The following KDM2B variants were observed in gnomAD, a reference collection of about 807,000 sequenced individuals.
KDM2B encodes the protein lysine demethylase 2B.
Under a neutral mutation model 150.0 loss-of-function variants are expected in KDM2B, and 26 were observed. That is an observed-to-expected ratio of 0.17 (90% confidence interval 0.13 to 0.24). The LOEUF (loss-of-function observed/expected upper bound fraction) is 0.24, where lower values mean the gene tolerates loss of function less well. Ranked by LOEUF, KDM2B falls within the 10% of genes least tolerant of loss-of-function variation. KDM2B has a pLI of 1.00. For synonymous variants in KDM2B, 734 were observed against 729.5 expected (o/e 1.01, Z -0.10); for missense variants, 1,265 against 1,816.9 (o/e 0.70, Z 5.52).
rs572676243 is a variant in KDM2B, at chr12:121,516,035, C to T, written c.1048-2633G>A. The stretch of plus-strand genomic sequence containing the variant: ...CTAGGCATGAAGCAAACCTTGATTT[C>T]CTATGAAGAAGGGTTTAGGGGACCT... On this transcript the variant is annotated intron_variant, in intron 9 of 22. Transcript: ENST00000377071. Among the ~76,000 whole-genome samples the T allele has an allele frequency of 3.3e-5, 5 of 152,196 alleles. No homozygotes were observed. In the East Asian group the frequency reaches 9.7e-4, roughly 29 times the overall value.
chr12:121,451,113 C>T (rs544219359), intron 13 of KDM2B, among the ~76,000 whole-genome samples: 40 of 152,102 alleles, frequency 2.6e-4, no homozygotes, highest in Non-Finnish European at 4.1e-4. Flanking sequence ...TCCTGCCCCC[C>T]CCTTCTACCT....
At chr12:121,410,887 G>GC in the KDM2B span, among the ~76,000 whole-genome samples, 1 of 152,114 alleles carries the variant, frequency 6.6e-6, no homozygotes, top group African/African-American at 2.4e-5. Context: ...TGAATATTGG[G>GC]TTATAGCAAC....
intron 22 of KDM2B, among the ~76,000 whole-genome samples, chr12:121,431,238 T>C (rs1872947015): frequency 6.6e-6 from 1 of 150,968 alleles, no homozygotes. Flanking sequence ...TTTAAGTGAT[T>C]CTCCTGCCTC....
chr12:121,496,022 T>TA (rs1365982870), intron 11 of KDM2B, among the ~76,000 whole-genome samples: 5 of 152,088 alleles, frequency 3.3e-5, no homozygotes, highest in African/African-American at 1.2e-4. Context: ...GGCTGGACTT[T>TA]AGAACATCAT....
At chr12:121,472,449 T>C (rs980540007) in intron 12 of KDM2B, among the ~76,000 whole-genome samples, 22 of 152,216 alleles carry the variant, frequency 1.4e-4, no homozygotes, top group Non-Finnish European at 3.1e-4. Flanking sequence ...CTAATGTTAC[T>C]TAATTGCTTT....
downstream of KDM2B, among the ~76,000 whole-genome samples, chr12:121,426,231 G>C (rs1396635091): frequency 6.6e-6 from 1 of 152,178 alleles, no homozygotes; most frequent in Non-Finnish European, 1.5e-5. Context: ...TTAAGTTTTA[G>C]TGGCTTCTTT....
At chr12:121,492,749 A>G (rs1244702927) in intron 12 of KDM2B, among the ~76,000 whole-genome samples, 11 of 151,288 alleles carry the variant, frequency 7.3e-5, no homozygotes, top group African/African-American at 2.4e-4. Flanking sequence ...GAATCGCTTG[A>G]ACTCCGGAGG....
chr12:121,467,472 G>T lies in KDM2B; in HGVS notation c.1735-14128C>A. On this transcript the variant is annotated intron_variant, in intron 12 of 22. Transcript: ENST00000377071. The surrounding 1 kb of genome is among the most constrained non-coding windows in gnomAD (Gnocchi z 5.1). Reference sequence around the variant, plus strand: ...AGGGGCTGGCCCCCCGGGCGGGCGGGCCAATGGCGCGGCCGCGGCGCTGGG... The same window carrying T: ...AGGGGCTGGCCCCCCGGGCGGGCGGTCCAATGGCGCGGCCGCGGCGCTGGG... The T allele has an allele frequency of 2.1e-6, 1 of 482,636 alleles. No individual in the cohort carries two copies. The highest frequency in any genetic ancestry group is 2.7e-6 in the Non-Finnish European group (1 of 373,164). The allele number at this position is 482,636 out of a possible 1,614,324, so 29.9% of individuals were successfully genotyped here.
chr12:121,431,952 C>T (rs1240925316), intron 22 of KDM2B, among the ~76,000 whole-genome samples: 3 of 145,100 alleles, frequency 2.1e-5, no homozygotes, highest in African/African-American at 7.7e-5. Flanking sequence ...GGCACGACCT[C>T]GGCTTACTGC....
chr12:121,570,554 G>T (rs972453629), intron 4 of KDM2B, among the ~76,000 whole-genome samples: 1 of 152,092 alleles, frequency 6.6e-6, no homozygotes, highest in Non-Finnish European at 1.5e-5. Context: ...TGACACACTG[G>T]CCGGCTGCTT....
intron 12 of KDM2B, among the ~76,000 whole-genome samples, chr12:121,491,242 G>A (rs1433435746): frequency 6.6e-6 from 1 of 152,158 alleles, no homozygotes; most frequent in Non-Finnish European, 1.5e-5. Context: ...AGGCACTGCT[G>A]CACCTCTCCG....
chr12:121,553,694 AGAAGGTGAGGAGCTGG>A (rs1555312177), intron 4 of KDM2B, among the ~76,000 whole-genome samples: 2 of 152,114 alleles, frequency 1.3e-5, no homozygotes, highest in Non-Finnish European at 2.9e-5. Context: ...CTAGAGGTGG[AGAAGGTGAGGAGCTGG>A]GAAGTTTAGG....
At chr12:121,492,504 C>T (rs979689484) in intron 12 of KDM2B, among the ~76,000 whole-genome samples, 2 of 151,186 alleles carry the variant, frequency 1.3e-5, no homozygotes, top group Non-Finnish European at 1.5e-5. Flanking sequence ...GACGGAGTTT[C>T]GCCATGTTGG....
At chr12:121,450,701 T>G (rs530199377) in intron 13 of KDM2B, among the ~76,000 whole-genome samples, 10 of 152,048 alleles carry the variant, frequency 6.6e-5, no homozygotes, top group Non-Finnish European at 1.0e-4. Flanking sequence ...CTACTAAAAA[T>G]GCAAAAAAAT....
intron 1 of KDM2B, chr12:121,580,399 G>A (rs1481815448): frequency 2.6e-6 from 3 of 1,153,108 alleles, no homozygotes; most frequent in East Asian, 9.8e-5. Context: ...TATGGGGCGG[G>A]GAGGGAGCCC....
rs781957385 is a variant in KDM2B at position 121,430,115 on chromosome 12, C to T, written c.*173G>A. 3 of 1,612,292 alleles carry T rather than the reference C, an allele frequency of 1.9e-6. No individual in the cohort carries two copies. The highest frequency in any genetic ancestry group is 1.1e-5 in the South Asian group (1 of 91,042). On this transcript the variant is annotated 3_prime_UTR_variant, in exon 23 of 23. Coordinates refer to ENST00000377071, the MANE Select transcript of KDM2B (RefSeq NM_032590.5). This position sits in a 1 kb window ranked among gnomAD's most constrained non-coding sequence, Gnocchi z 4.4. ...CAGAAAGACCAAAGGAAAGTGTCGG[C>T]TCACTCATCCCCCAAACGGGTGGTT...
chr12:121,410,971 G>T, the KDM2B span, among the ~76,000 whole-genome samples: 1 of 152,124 alleles, frequency 6.6e-6, no homozygotes, highest in Non-Finnish European at 1.5e-5. Context: ...GTCTCACTCC[G>T]TCACCCAGGC....
chr12:121,436,990 T>C (rs910901645), intron 22 of KDM2B, among the ~76,000 whole-genome samples: 1 of 152,068 alleles, frequency 6.6e-6, no homozygotes, highest in Admixed American at 6.5e-5. Context: ...TAAAAACAAA[T>C]TCAGACACAC....
In KDM2B at chr12:121,520,874, G is replaced by A; in HGVS notation, c.1047+111C>T. The stretch of plus-strand genomic sequence containing the variant: ...TGAAGCCAGCTTGAGAGAGGAATCG[G>A]GAGGGAGAGGGGAACTGTGGAGGAC... On this transcript the variant is annotated intron_variant, in intron 9 of 22. Transcript: ENST00000377071. The surrounding 1 kb of genome is among the most constrained non-coding windows in gnomAD (Gnocchi z 4.5). 1.4e-6 allele frequency: 1 copy of A among 727,360 alleles called. No individual in the cohort carries two copies. Among genetic ancestry groups the A allele is most frequent in the Non-Finnish European group, 2.3e-6 (1 of 427,568 alleles). The allele number at this position is 727,360 out of a possible 1,614,324, so 45.1% of individuals were successfully genotyped here.
Sources: allele counts gnomAD v4.1 joint callset (sites outside exome capture counted in the v4.1 genomes callset), GRCh38; gene constraint gnomAD v4.1.1; non-coding constraint Gnocchi (gnomAD v3.1); transcripts MANE v1.5; gene names NCBI Gene and HGNC (gene_info 2026-07-23, HGNC 2026-07-21).